Variants in ASAP1 observed in about 807,000 individuals in gnomAD.
ASAP1 encodes arf-GAP with SH3 domain, ANK repeat and PH domain-containing protein 1.
Under a neutral mutation model 145.2 loss-of-function variants are expected in ASAP1, and 43 were observed. That is an observed-to-expected ratio of 0.30 (90% CI 0.23 to 0.38). ASAP1 has a LOEUF of 0.38. Among genes scored for constraint, ASAP1 ranks in the 10% least tolerant of loss-of-function variants. ASAP1 has a pLI of 1.00. For missense variants in ASAP1, 1,018 were observed against 1,355.3 expected (o/e 0.75, Z 3.91); for synonymous variants, 546 against 515.5 (o/e 1.06, Z -0.80).
chr8:130,382,661 A>T (rs1480841961), intron 2 of ASAP1, among the ~76,000 whole-genome samples: 1 of 152,196 alleles, frequency 6.6e-6, no homozygotes, highest in Non-Finnish European at 1.5e-5. Context: ...AGCCTGGCCA[A>T]CATGGTGAAA....
intron 24 of ASAP1, among the ~76,000 whole-genome samples, chr8:130,096,445 T>C (rs1320668367): frequency 2.0e-5 from 3 of 152,188 alleles, no homozygotes; most frequent in Non-Finnish European, 2.9e-5. Context: ...AGAGGCAATT[T>C]TCTCTCCTGA....
In ASAP1 at chr8:130,154,683, CA is replaced by C. The variant is rs1228341590; in HGVS notation, c.1011-1879del. Among the ~76,000 whole-genome samples, 4 of 152,208 alleles carry C rather than the reference CA, an allele frequency of 2.6e-5. No individual in the cohort carries two copies. In the East Asian group the frequency reaches 7.7e-4, roughly 29 times the overall value. ...ACACAAATTTAAAACCATCTCTAAA[CA>C]CAAATAATATTGTGCATTTAACTAC... On this transcript the variant is annotated intron_variant, in intron 12 of 29. Transcript: ENST00000518721.
intron 2 of ASAP1, among the ~76,000 whole-genome samples, chr8:130,359,707 TCCGCTTCCCGGGTTCACG>T (rs1342491136): frequency 6.7e-6 from 1 of 150,106 alleles, no homozygotes; most frequent in African/African-American, 2.5e-5. Context: ...CACTGCAAGC[TCCGCTTCCCGGGTTCACG>T]CCATTCTCCT....
intron 27 of ASAP1, among the ~76,000 whole-genome samples, chr8:130,072,830 C>CGCGTACGCGCG (rs1448184178): frequency 3.1e-5 from 1 of 31,922 alleles, no homozygotes; most frequent in African/African-American, 2.0e-4. Flanking sequence ...TGTGTGCGCG[C>CGCGTACGCGCG]GGGGGGGGGC....
intron 2 of ASAP1, among the ~76,000 whole-genome samples, chr8:130,381,635 C>T (rs563071259): frequency 4.7e-4 from 71 of 152,254 alleles, no homozygotes; most frequent in Non-Finnish European, 7.6e-4. Context: ...AGAATCACTA[C>T]GGTGGCTTCT....
At chr8:130,079,634 C>T (rs1312541754) in intron 26 of ASAP1, among the ~76,000 whole-genome samples, 1 of 152,148 alleles carries the variant, frequency 6.6e-6, no homozygotes. Context: ...CACAACCCTG[C>T]GACCACCGGG....
intron 3 of ASAP1, among the ~76,000 whole-genome samples, chr8:130,338,085 G>C (rs1455568774): frequency 6.6e-6 from 1 of 152,164 alleles, no homozygotes; most frequent in Non-Finnish European, 1.5e-5. Context: ...TGGGCACTGG[G>C]GGATAAGACG....
intron 1 of ASAP1, among the ~76,000 whole-genome samples, chr8:130,436,193 C>T (rs971403388): frequency 6.6e-6 from 1 of 152,196 alleles, no homozygotes. Context: ...TGAAAGAGAA[C>T]TAAGAATTTC....
chr8:130,423,370 T>C (rs1829795635), intron 1 of ASAP1, among the ~76,000 whole-genome samples: 1 of 152,252 alleles, frequency 6.6e-6, no homozygotes, highest in South Asian at 2.1e-4. Context: ...CTTGCAAAAT[T>C]GCTCATAGAA....
At chr8:130,084,279 T>C (rs1168470612) in intron 25 of ASAP1, 1 of 152,232 alleles carries the variant, frequency 6.6e-6, no homozygotes, top group Non-Finnish European at 1.5e-5. Context: ...ATGCAAAGGC[T>C]ACCTGCTGTG....
At chr8:130,123,820 G>A (rs911804211) in intron 18 of ASAP1, among the ~76,000 whole-genome samples, 193 bp downstream of exon 18, 2 of 151,890 alleles carry the variant, frequency 1.3e-5, no homozygotes, top group Non-Finnish European at 1.5e-5. Context: ...TAATAGAGAC[G>A]GGTTTCACCG....
chr8:130,286,904 T>C (rs886445207), intron 3 of ASAP1, among the ~76,000 whole-genome samples: 2 of 152,170 alleles, frequency 1.3e-5, no homozygotes, highest in African/African-American at 4.8e-5. Context: ...CAAGGTAAGA[T>C]ATGCTAATGG....
At chr8:130,320,592 C>T (rs1823940457) in intron 3 of ASAP1, among the ~76,000 whole-genome samples, 1 of 151,690 alleles carries the variant, frequency 6.6e-6, no homozygotes, top group South Asian at 2.1e-4. Flanking sequence ...TGAGGCCTGA[C>T]ACCTAGATTT....
intron 24 of ASAP1, among the ~76,000 whole-genome samples, chr8:130,106,261 A>C (rs1365815782): frequency 1.3e-5 from 2 of 152,198 alleles, no homozygotes; most frequent in Non-Finnish European, 2.9e-5. Context: ...CTTTAATATC[A>C]AGCTACTCTA....
At chr8:130,352,591 C>T (rs1022556350) in intron 3 of ASAP1, among the ~76,000 whole-genome samples, 3 of 152,128 alleles carry the variant, frequency 2.0e-5, no homozygotes, top group South Asian at 2.1e-4. Flanking sequence ...GACAGTAATG[C>T]GATTAATCAC....
chr8:130,255,183 T>C (rs1335069070), intron 3 of ASAP1, among the ~76,000 whole-genome samples: 1 of 152,188 alleles, frequency 6.6e-6, no homozygotes, highest in African/African-American at 2.4e-5. Context: ...CCTAAGTCTG[T>C]TTCCTACTTA....
intron 3 of ASAP1, among the ~76,000 whole-genome samples, chr8:130,250,444 C>T (rs1819122767): frequency 1.3e-5 from 2 of 152,090 alleles, no homozygotes; most frequent in South Asian, 2.1e-4. Flanking sequence ...CCAAGTATGG[C>T]GCATGCTAAG....
chr8:130,421,084 T>C (rs1229119824), intron 1 of ASAP1, among the ~76,000 whole-genome samples: 3 of 152,158 alleles, frequency 2.0e-5, no homozygotes, highest in South Asian at 4.1e-4. Context: ...CATCCCTTAC[T>C]AGCTGTGTGA....
chr8:130,240,730 T>C (rs1818474108), intron 3 of ASAP1, among the ~76,000 whole-genome samples: 1 of 152,164 alleles, frequency 6.6e-6, no homozygotes, highest in African/African-American at 2.4e-5. Context: ...TACGGCATTA[T>C]TACATTCTCT....
Sources: allele counts gnomAD v4.1 joint callset (sites outside exome capture counted in the v4.1 genomes callset), GRCh38; gene constraint gnomAD v4.1.1; transcripts MANE v1.5; gene names NCBI Gene and HGNC (gene_info 2026-07-23, HGNC 2026-07-21).